The following CACNA2D3 variants were observed in gnomAD, a reference collection of about 807,000 sequenced individuals.
CACNA2D3 encodes the protein voltage-dependent calcium channel subunit alpha-2/delta-3.
A neutral mutation model predicts 160.6 loss-of-function variants in CACNA2D3; 60 were observed. That is an observed-to-expected ratio of 0.37 (90% confidence interval 0.30 to 0.46). CACNA2D3 has a LOEUF of 0.46. Ranked by LOEUF, CACNA2D3 falls within the 20% of genes least tolerant of loss-of-function variation. The pLI, the probability that CACNA2D3 is intolerant of heterozygous loss-of-function variation, is 1.00. For synonymous variants in CACNA2D3, 558 were observed against 492.9 expected, an observed-to-expected ratio of 1.13 and a Z score of -1.75; for missense variants, 1,205 against 1,365.0, an observed-to-expected ratio of 0.88 and a Z score of 1.85.
At chr3:55,055,989 CAATT>C (rs1704351197) in intron 35 of CACNA2D3, among the ~76,000 whole-genome samples, 1 of 151,886 alleles carries the variant, frequency 6.6e-6, no homozygotes, top group Non-Finnish European at 1.5e-5. Flanking sequence ...GCAAAGGAAA[CAATT>C]AACAGTGTGA....
intron 11 of CACNA2D3, among the ~76,000 whole-genome samples, chr3:54,648,523 T>C (rs1699697393): frequency 6.6e-6 from 1 of 152,252 alleles, no homozygotes; most frequent in Non-Finnish European, 1.5e-5. Context: ...TGAGATACCC[T>C]CAGAATTTCA....
At chr3:54,876,468 G>A (rs1274169848) in intron 18 of CACNA2D3, among the ~76,000 whole-genome samples, 3 of 152,210 alleles carry the variant, frequency 2.0e-5, no homozygotes, top group South Asian at 2.1e-4. Context: ...CTTAGAGCTC[G>A]TAGAAGAGTC....
chr3:54,940,913 G>T (rs1455338183), intron 27 of CACNA2D3, among the ~76,000 whole-genome samples: 1 of 152,070 alleles, frequency 6.6e-6, no homozygotes, highest in Non-Finnish European at 1.5e-5. Flanking sequence ...AAAATAAATG[G>T]ATATAGCCAT....
At chr3:54,687,126 TTTTTTTTTGTTTTTTTTTTTTTTTG>T (rs750941474) in intron 11 of CACNA2D3, among the ~76,000 whole-genome samples, 2 of 66,992 alleles carry the variant, frequency 3.0e-5, no homozygotes, top group African/African-American at 1.4e-4. Context: ...TTTTTCTTTT[TTTTTTTTTGTTTTTTTTTTTTTTTG>T]TTTTTTTGAC....
intron 37 of CACNA2D3, 33 bp from the exon 38 acceptor site, chr3:55,074,081 T>G (rs748045806): frequency 1.3e-6 from 2 of 1,573,582 alleles, no homozygotes; most frequent in Non-Finnish European, 8.8e-7. Context: ...TGGAGTCTAT[T>G]TCCGTCTAAC....
intron 2 of CACNA2D3, among the ~76,000 whole-genome samples, chr3:54,176,111 A>T (rs1445048775): frequency 6.6e-6 from 1 of 152,238 alleles, no homozygotes; most frequent in Admixed American, 6.5e-5. Flanking sequence ...TTTCAGTTCA[A>T]CATGCACAAA....
intron 5 of CACNA2D3, among the ~76,000 whole-genome samples, chr3:54,512,918 G>C (rs1181800006): frequency 6.6e-6 from 1 of 152,216 alleles, no homozygotes; most frequent in African/African-American, 2.4e-5. Context: ...GCAAGGAGGA[G>C]CAAGTCACAT....
intron 11 of CACNA2D3, among the ~76,000 whole-genome samples, chr3:54,717,700 G>T (rs1177680829): frequency 2.0e-5 from 3 of 147,000 alleles, no homozygotes; most frequent in African/African-American, 7.6e-5. Flanking sequence ...GTGCGTGTGT[G>T]TGGTGTGTGC....
intron 5 of CACNA2D3, among the ~76,000 whole-genome samples, chr3:54,530,191 T>C (rs1200732817): frequency 6.6e-6 from 1 of 152,218 alleles, no homozygotes; most frequent in East Asian, 1.9e-4. Flanking sequence ...AATGAGACTA[T>C]GGGTCCCATC....
chr3:54,857,362 T>C (rs1699194999), intron 17 of CACNA2D3, among the ~76,000 whole-genome samples: 2 of 152,214 alleles, frequency 1.3e-5, no homozygotes, highest in African/African-American at 4.8e-5. Context: ...GCATGGCTCA[T>C]ACCTGACAGC....
chr3:54,980,016 G>A (rs556403516), intron 29 of CACNA2D3, among the ~76,000 whole-genome samples: 1 of 152,080 alleles, frequency 6.6e-6, no homozygotes, highest in Non-Finnish European at 1.5e-5. Flanking sequence ...TATAATTTTG[G>A]AACACATACC....
At chr3:54,225,083 C>T (rs1701646711) in intron 2 of CACNA2D3, among the ~76,000 whole-genome samples, 1 of 151,864 alleles carries the variant, frequency 6.6e-6, no homozygotes, top group Admixed American at 6.6e-5. Context: ...AGGTATATCT[C>T]CTAATGCTAT....
chr3:54,338,030 G>T (rs1704428196), intron 3 of CACNA2D3, among the ~76,000 whole-genome samples: 2 of 152,246 alleles, frequency 1.3e-5, no homozygotes, highest in Non-Finnish European at 2.9e-5. Context: ...TGGCAGGGCT[G>T]TGTGAGTGCT....
At chr3:54,483,974 A>G (rs1273347264) in intron 4 of CACNA2D3, among the ~76,000 whole-genome samples, 1 of 152,182 alleles carries the variant, frequency 6.6e-6, no homozygotes, top group Non-Finnish European at 1.5e-5. Flanking sequence ...AAGCACTGAA[A>G]TTGTTCACAT....
chr3:54,697,092 C>T (rs1700679866), intron 11 of CACNA2D3, among the ~76,000 whole-genome samples: 1 of 152,132 alleles, frequency 6.6e-6, no homozygotes, highest in Admixed American at 6.5e-5. Flanking sequence ...GCCCAGGCAA[C>T]ATGGCAAAAC....
chr3:54,821,634 G>A (rs866797421), intron 14 of CACNA2D3, among the ~76,000 whole-genome samples: 2 of 140,396 alleles, frequency 1.4e-5, no homozygotes, highest in African/African-American at 5.1e-5. Flanking sequence ...TTTTTCTAGA[G>A]TCTTTCGTTC....
Position 54,689,893 on chromosome 3 carries a change from G to T in CACNA2D3, c.1167+47652G>T, listed in dbSNP as rs114135407. 8.7e-3 allele frequency among the ~76,000 whole-genome samples: 1,321 copies of T among 152,168 alleles called. 9 individuals are homozygous for T. The highest frequency in any genetic ancestry group is 0.012 in the Non-Finnish European group (806 of 68,012). On this transcript the variant is annotated intron_variant, in intron 11 of 37. Coordinates refer to ENST00000474759, the MANE Select transcript of CACNA2D3 (RefSeq NM_018398.3). ...TTAGCTCATGTTTCTCCTCTGCTCA[G>T]TCCTCTGGTGGCTTCCATTTTCTCC...
intron 30 of CACNA2D3, 110 bp from the exon 31 acceptor site, chr3:54,987,573 C>T: frequency 1.6e-6 from 1 of 635,072 alleles, no homozygotes; most frequent in South Asian, 2.5e-5. Flanking sequence ...TGAAAACCTG[C>T]CTTTTGCTCC....
intron 4 of CACNA2D3, among the ~76,000 whole-genome samples, chr3:54,405,043 A>T (rs1294454577): frequency 6.6e-6 from 1 of 151,906 alleles, no homozygotes; most frequent in African/African-American, 2.4e-5. Context: ...TTTCATGCTC[A>T]TGAATTGGAA....
Sources: allele counts gnomAD v4.1 joint callset (sites outside exome capture counted in the v4.1 genomes callset), GRCh38; gene constraint gnomAD v4.1.1; transcripts MANE v1.5; gene names NCBI Gene and HGNC (gene_info 2026-07-23, HGNC 2026-07-21).